The following ADGRL3 variants were observed in gnomAD, a reference collection of about 807,000 sequenced individuals.
ADGRL3 encodes the protein adhesion G protein-coupled receptor L3, also known as calcium-independent alpha-latrotoxin receptor 3.
ADGRL3 carries 62 observed loss-of-function variants against 153.5 expected under a neutral mutation model. The observed-to-expected ratio is 0.40, with a 90% confidence interval of 0.33 to 0.50. The LOEUF (loss-of-function observed/expected upper bound fraction) is 0.50. Among genes scored for constraint, ADGRL3 ranks in the 20% least tolerant of loss-of-function variants. The pLI is 0.47. For synonymous variants in ADGRL3, 710 were observed against 672.5 expected, an observed-to-expected ratio of 1.06 and a Z score of -0.86; for missense variants, 1,641 against 1,859.4, an observed-to-expected ratio of 0.88 and a Z score of 2.16.
At chr4:61,491,108 C>T (rs1415415409) in intron 2 of ADGRL3, among the ~76,000 whole-genome samples, 1 of 152,086 alleles carries the variant, frequency 6.6e-6, no homozygotes, top group East Asian at 1.9e-4. Flanking sequence ...TGCTGTCCTA[C>T]TCTTTTCCTC....
At chr4:61,814,138 T>G (rs553620163) in intron 9 of ADGRL3, among the ~76,000 whole-genome samples, 1 of 152,128 alleles carries the variant, frequency 6.6e-6, no homozygotes, top group Non-Finnish European at 1.5e-5. Context: ...ATTCAACTAG[T>G]GGAGGACTAG....
intron 4 of ADGRL3, among the ~76,000 whole-genome samples, chr4:61,538,201 T>C (rs1428975606): frequency 6.6e-6 from 1 of 152,204 alleles, no homozygotes; most frequent in Non-Finnish European, 1.5e-5. Flanking sequence ...TTGTTGTGTA[T>C]ATTTTGGCTT....
chr4:61,857,660 C>CTTCTTCCT (rs1554048482), intron 9 of ADGRL3, among the ~76,000 whole-genome samples: 7 of 138,604 alleles, frequency 5.1e-5, no homozygotes, highest in African/African-American at 2.2e-4. Flanking sequence ...TCCTTCCTTC[C>CTTCTTCCT]TTCTTTCTTC....
intron 3 of ADGRL3, among the ~76,000 whole-genome samples, chr4:61,502,481 CAT>C (rs2098397215): frequency 1.1e-5 from 1 of 86,990 alleles, no homozygotes; most frequent in South Asian, 4.7e-4. Context: ...CCAGCTTATA[CAT>C]GTTTTTTTTT....
intron 5 of ADGRL3, among the ~76,000 whole-genome samples, chr4:61,656,049 T>C (rs2094434254): frequency 6.6e-6 from 1 of 152,192 alleles, no homozygotes; most frequent in African/African-American, 2.4e-5. Context: ...CAATGCATTT[T>C]CTTAATCACA....
intron 4 of ADGRL3, among the ~76,000 whole-genome samples, chr4:61,522,220 T>G (rs781120684): frequency 6.6e-6 from 1 of 152,144 alleles, no homozygotes; most frequent in African/African-American, 2.4e-5. Context: ...AGGAGACCAC[T>G]CTGCCCATAT....
intron 1 of ADGRL3, among the ~76,000 whole-genome samples, chr4:61,273,290 G>A (rs1367683218): frequency 2.0e-5 from 3 of 152,088 alleles, no homozygotes; most frequent in Admixed American, 1.3e-4. Flanking sequence ...CCCTAAGTAC[G>A]GTATTTGAAA....
intron 9 of ADGRL3, among the ~76,000 whole-genome samples, chr4:61,819,074 T>C (rs2097721126): frequency 6.6e-6 from 1 of 152,130 alleles, no homozygotes; most frequent in Non-Finnish European, 1.5e-5. Context: ...CCCCTCATCT[T>C]AATTTATAAT....
chr4:61,630,286 C>T (rs9992538), intron 5 of ADGRL3, among the ~76,000 whole-genome samples: 151,532 of 152,328 alleles, frequency 0.99, 75,375 homozygotes, highest in Middle Eastern at 1. Context: ...TTTTTCACTA[C>T]TGATGTTATT....
At chr4:61,303,362 T>A (rs539077350) in intron 1 of ADGRL3, among the ~76,000 whole-genome samples, 19 of 152,270 alleles carry the variant, frequency 1.2e-4, no homozygotes, top group African/African-American at 4.3e-4. Flanking sequence ...GATGACTTAG[T>A]GCATGCGAAG....
In ADGRL3 at chr4:61,700,243, A is replaced by T. The variant is rs903290633; in HGVS notation, c.583+23308A>T. Reference sequence around the variant, plus strand: ...TCAGAGTACTCATAGTCTACTGGAAAGTATACATAATTACTTTAAGGACTC... The same window carrying T: ...TCAGAGTACTCATAGTCTACTGGAATGTATACATAATTACTTTAAGGACTC... On this transcript the variant is annotated intron_variant, in intron 6 of 26. Transcript: ENST00000683033. Among the ~76,000 whole-genome samples the T allele has an allele frequency of 1.1e-4, 16 of 152,302 alleles. 1 individual carries two copies. The South Asian group carries it at 2.1e-3, about 20-fold the overall frequency.
At chr4:61,343,398 T>C (rs180714902) in intron 1 of ADGRL3, among the ~76,000 whole-genome samples, 1 of 152,326 alleles carries the variant, frequency 6.6e-6, no homozygotes, top group Non-Finnish European at 1.5e-5. Flanking sequence ...CTTACAGCCT[T>C]GCAAGTACTC....
At chr4:62,009,384 A>C (rs148599082) in intron 21 of ADGRL3, among the ~76,000 whole-genome samples, 7 of 152,098 alleles carry the variant, frequency 4.6e-5, no homozygotes, top group Non-Finnish European at 8.8e-5. Flanking sequence ...TTATTTAACT[A>C]TCTTTCTAAA....
rs530439507 is a variant in ADGRL3 at position 62,064,606 on chromosome 4, GTATT to G, written c.3815-3557_3815-3554del. 1.5e-3 allele frequency among the ~76,000 whole-genome samples: 223 copies of G among 151,016 alleles called. 1 individual carries two copies. Among genetic ancestry groups the G allele is most frequent in the Non-Finnish European group, 2.7e-3 (185 of 67,828 alleles). ...TCTTTCAAGTTGAATGTGATTGGCA[GTATT>G]TAAATTTTCTGGGCAATTTTTAATA... On this transcript the variant is annotated intron_variant, in intron 25 of 26. Coordinates refer to ENST00000683033, the MANE Select transcript of ADGRL3 (RefSeq NM_001387552.1).
chr4:61,468,227 C>G (rs1027749206), intron 2 of ADGRL3, among the ~76,000 whole-genome samples: 1 of 152,186 alleles, frequency 6.6e-6, no homozygotes, highest in African/African-American at 2.4e-5. Flanking sequence ...ATAGCTGCCA[C>G]AGTCTCTTAA....
chr4:61,629,609 C>T (rs1377677665), intron 5 of ADGRL3, among the ~76,000 whole-genome samples: 4 of 150,134 alleles, frequency 2.7e-5, no homozygotes, highest in South Asian at 2.1e-4. Context: ...CCCAGCTACT[C>T]GGGAGGCTGA....
intron 19 of ADGRL3, among the ~76,000 whole-genome samples, chr4:61,990,454 T>C (rs1201499894): frequency 6.6e-6 from 1 of 151,852 alleles, no homozygotes; most frequent in African/African-American, 2.4e-5. Context: ...GAGTTTCATT[T>C]TGGTAAAATG....
chr4:61,369,890 A>G (rs2096486709), intron 1 of ADGRL3, among the ~76,000 whole-genome samples: 1 of 152,128 alleles, frequency 6.6e-6, no homozygotes, highest in Admixed American at 6.5e-5. Flanking sequence ...GCTATTGATT[A>G]TTGCCACAAT....
intron 9 of ADGRL3, among the ~76,000 whole-genome samples, chr4:61,831,267 C>T (rs539067887): frequency 5.9e-5 from 9 of 151,776 alleles, no homozygotes; most frequent in South Asian, 4.2e-4. Flanking sequence ...TTGTCATGAC[C>T]GATGGCACTC....
Sources: gnomAD v4.1 joint callset for allele counts (sites outside exome capture counted in the v4.1 genomes callset) on GRCh38, gnomAD v4.1.1 for gene constraint, MANE v1.5 for transcripts, NCBI Gene and HGNC (gene_info 2026-07-23, HGNC 2026-07-21) for gene names.